Variants in COMMD10 observed in about 807,000 individuals in gnomAD.
COMMD10 encodes COMM domain-containing protein 10.
Under a neutral mutation model 28.9 loss-of-function variants are expected in COMMD10, and 33 were observed. That is an observed-to-expected ratio of 1.14 (90% CI 0.87 to 1.53). The LOEUF (loss-of-function observed/expected upper bound fraction) is 1.53. COMMD10 is among the 40% of genes most tolerant of loss of function. COMMD10 has a pLI of 0.00. For missense variants in COMMD10, 310 were observed against 233.4 expected, an observed-to-expected ratio of 1.33 and a Z score of -2.14; for synonymous variants, 110 against 81.7, an observed-to-expected ratio of 1.35 and a Z score of -1.87.
intron 5 of COMMD10, among the ~76,000 whole-genome samples, chr5:116,289,521 C>T (rs1021579019): frequency 2.0e-5 from 3 of 151,714 alleles, no homozygotes; most frequent in African/African-American, 7.3e-5. Flanking sequence ...CCTCTGTTTT[C>T]AGTGCCTTCC....
intron 5 of COMMD10, among the ~76,000 whole-genome samples, chr5:116,269,192 CACAA>C (rs753542667): frequency 2.0e-5 from 3 of 151,832 alleles, no homozygotes; most frequent in Non-Finnish European, 4.4e-5. Context: ...TAACAACTGA[CACAA>C]ACAAAACCTG....
At chr5:116,191,951 G>T (rs1414854617) in intron 5 of COMMD10, among the ~76,000 whole-genome samples, 1 of 151,092 alleles carries the variant, frequency 6.6e-6, no homozygotes, top group Non-Finnish European at 1.5e-5. Context: ...GGTATCTACG[G>T]AGAAGAGACA....
At chr5:116,232,033 A>G (rs1004954434) in intron 5 of COMMD10, among the ~76,000 whole-genome samples, 2 of 152,158 alleles carry the variant, frequency 1.3e-5, no homozygotes, top group African/African-American at 2.4e-5. Context: ...CTGAAGAGCC[A>G]CTTTACACTG....
At position 116,192,676 on chromosome 5, in the gene COMMD10, A is replaced by G. The variant is rs566358941; in HGVS notation, c.510+58498A>G. Among the ~76,000 whole-genome samples the G allele has an allele frequency of 2.6e-5, 4 of 152,340 alleles. No homozygotes were observed. In the South Asian group the frequency reaches 8.3e-4, roughly 32 times the overall value. On this transcript the variant is annotated intron_variant, in intron 5 of 6. Transcript: ENST00000274458. ...CAAGAAGTCTGGGATTATGTTAAAC[A>G]ACAAACCTAAGAATAATCAGTATTA...
At chr5:116,215,771 AT>A (rs1749084201) in intron 5 of COMMD10, among the ~76,000 whole-genome samples, 1 of 148,794 alleles carries the variant, frequency 6.7e-6, no homozygotes, top group South Asian at 2.1e-4. Context: ...TTATTTAAAA[AT>A]AAATAGCATT....
At chr5:116,203,777 A>G (rs1417728616) in intron 5 of COMMD10, among the ~76,000 whole-genome samples, 2 of 152,184 alleles carry the variant, frequency 1.3e-5, no homozygotes, top group Non-Finnish European at 2.9e-5. Context: ...TACCAGCCAC[A>G]GCAAAATCAT....
chr5:116,213,392 G>A (rs1400983133), intron 5 of COMMD10, among the ~76,000 whole-genome samples: 1 of 152,072 alleles, frequency 6.6e-6, no homozygotes, highest in East Asian at 1.9e-4. Context: ...TGATAAATTA[G>A]CATAGACCCT....
chr5:116,165,532 G>A (rs530793650), intron 5 of COMMD10, among the ~76,000 whole-genome samples: 5 of 152,026 alleles, frequency 3.3e-5, no homozygotes, highest in African/African-American at 1.2e-4. Context: ...TTCTGGTGAG[G>A]GCTGTCTTTC....
intron 5 of COMMD10, among the ~76,000 whole-genome samples, chr5:116,284,149 A>C (rs1751154407): frequency 6.6e-6 from 1 of 151,560 alleles, no homozygotes. Flanking sequence ...AACAAACAAA[A>C]AAGAATGATC....
chr5:116,121,826 GTTAT>G (rs1340458160), intron 4 of COMMD10, among the ~76,000 whole-genome samples: 1 of 152,118 alleles, frequency 6.6e-6, no homozygotes, highest in African/African-American at 2.4e-5. Flanking sequence ...TTTGAATGGG[GTTAT>G]TTGTTTTTTT....
At chr5:116,237,513 T>C (rs1173242549) in intron 5 of COMMD10, among the ~76,000 whole-genome samples, 2 of 151,934 alleles carry the variant, frequency 1.3e-5, no homozygotes, top group East Asian at 3.9e-4. Flanking sequence ...TAGATAAACG[T>C]TACAGAAAAA....
chr5:116,175,351 T>G (rs539756705), intron 5 of COMMD10, among the ~76,000 whole-genome samples: 1 of 152,262 alleles, frequency 6.6e-6, no homozygotes, highest in East Asian at 1.9e-4. Flanking sequence ...TAAGTAGATG[T>G]CCTTATGTCA....
intron 5 of COMMD10, among the ~76,000 whole-genome samples, chr5:116,250,856 C>G (rs1016853226): frequency 2.6e-5 from 4 of 151,922 alleles, no homozygotes; most frequent in African/African-American, 9.7e-5. Flanking sequence ...CTTTTACAAC[C>G]CAGATTAGAA....
intron 5 of COMMD10, among the ~76,000 whole-genome samples, chr5:116,163,157 A>G (rs1401184803): frequency 6.6e-6 from 1 of 152,050 alleles, no homozygotes; most frequent in Admixed American, 6.6e-5. Context: ...AGATATATAC[A>G]AATAACTTTT....
chr5:116,227,824 C>T (rs79834159), intron 5 of COMMD10, among the ~76,000 whole-genome samples: 2,301 of 152,132 alleles, frequency 0.015, 63 homozygotes, highest in African/African-American at 0.051. Context: ...GGAATTAGTT[C>T]TCTCACCCAG....
At chr5:116,235,391 G>C (rs1440290108) in intron 5 of COMMD10, among the ~76,000 whole-genome samples, 1 of 152,142 alleles carries the variant, frequency 6.6e-6, no homozygotes, top group Admixed American at 6.5e-5. Context: ...TTGAACAGTT[G>C]AAAAGCTGTC....
chr5:116,280,878 CTCAT>C (rs1341495806), intron 5 of COMMD10, among the ~76,000 whole-genome samples: 1 of 151,798 alleles, frequency 6.6e-6, no homozygotes, highest in African/African-American at 2.4e-5. Flanking sequence ...GTTTTATAAA[CTCAT>C]TCAGTAAGAC....
intron 5 of COMMD10, among the ~76,000 whole-genome samples, chr5:116,258,518 C>G (rs1319021333): frequency 6.6e-6 from 1 of 151,420 alleles, no homozygotes; most frequent in African/African-American, 2.4e-5. Context: ...ATTAAACTAG[C>G]CTGTTTTTGC....
At position 116,134,280 on chromosome 5, in the gene COMMD10, A is replaced by G. The variant is rs867200855; in HGVS notation, c.510+102A>G. The G allele has an allele frequency of 9.2e-5, 61 of 664,672 alleles. 2 individuals carry two copies. In the Middle Eastern group the frequency reaches 5.5e-3, roughly 60 times the overall value. 41.2% of individuals were successfully genotyped at this position (664,672 alleles called of 1,614,324 possible). A position where few individuals can be genotyped will look rare whatever the true frequency, so the allele number is the denominator to read the frequency against. On this transcript the variant is annotated intron_variant, in intron 5 of 6. Transcript: ENST00000274458. ...TCTCTGGATTTAGAATTTAAACATA[A>G]TTCAGTTAAACAGTTATTAATAAGT...
Sources: gnomAD v4.1 joint callset for allele counts (sites outside exome capture counted in the v4.1 genomes callset) on GRCh38, gnomAD v4.1.1 for gene constraint, MANE v1.5 for transcripts, NCBI Gene and HGNC (gene_info 2026-07-23, HGNC 2026-07-21) for gene names.